The following SCLT1 variants were observed in gnomAD, a reference collection of about 807,000 sequenced individuals.
The protein encoded by SCLT1 is sodium channel and clathrin linker 1.
In SCLT1, 78 loss-of-function variants were observed where a neutral mutation model predicts 112.8. That is an observed-to-expected ratio of 0.69 (90% confidence interval 0.58 to 0.83). The LOEUF (loss-of-function observed/expected upper bound fraction) is 0.83, where lower values mean the gene tolerates loss of function less well. SCLT1 is among the 40% of genes least tolerant of loss of function. The pLI is 0.00. For missense variants in SCLT1, 747 were observed against 770.4 expected (o/e 0.97, Z 0.36); for synonymous variants, 257 against 254.7 (o/e 1.01, Z -0.09).
intron 13 of SCLT1, among the ~76,000 whole-genome samples, chr4:128,954,024 G>A (rs1739008320): frequency 6.6e-6 from 1 of 152,028 alleles, no homozygotes; most frequent in South Asian, 2.1e-4. Flanking sequence ...AGAGCATTTT[G>A]AAGAGTTAGT....
intron 12 of SCLT1, among the ~76,000 whole-genome samples, chr4:128,957,521 CA>C (rs1553969173): frequency 6.6e-6 from 1 of 152,028 alleles, no homozygotes; most frequent in Non-Finnish European, 1.5e-5. Flanking sequence ...TTATGTCACT[CA>C]TTAACTCATA....
intron 2 of SCLT1, among the ~76,000 whole-genome samples, chr4:129,074,477 G>A (rs760942803): frequency 3.3e-5 from 5 of 152,090 alleles, no homozygotes; most frequent in Non-Finnish European, 7.4e-5. Flanking sequence ...CCATTTGCTA[G>A]TGAAACTTTT....
At chr4:128,885,339 C>T (rs150001405) in intron 20 of SCLT1, among the ~76,000 whole-genome samples, 195 of 152,292 alleles carry the variant, frequency 1.3e-3, no homozygotes, top group African/African-American at 4.5e-3. Flanking sequence ...TCTCCAGATA[C>T]AACCACTATT....
chr4:129,090,306 A>G (rs972235979), intron 1 of SCLT1, among the ~76,000 whole-genome samples: 21 of 152,222 alleles, frequency 1.4e-4, no homozygotes, highest in Admixed American at 6.5e-5. Context: ...GTGGAAAAGA[A>G]TAGAGTTCAT....
chr4:128,894,948 G>C (rs1035489819), intron 18 of SCLT1, among the ~76,000 whole-genome samples: 7 of 152,124 alleles, frequency 4.6e-5, no homozygotes, highest in Non-Finnish European at 4.4e-5. Flanking sequence ...AAAGTGCTGG[G>C]ATTACAGGCA....
At chr4:128,963,541 T>C (rs1249218062) in intron 11 of SCLT1, among the ~76,000 whole-genome samples, 2 of 152,162 alleles carry the variant, frequency 1.3e-5, no homozygotes, top group South Asian at 2.1e-4. Flanking sequence ...TAACAATGTA[T>C]GGAAAATCAT....
rs113155537 is a variant in SCLT1 at position 128,955,773 on chromosome 4, T to G, written c.1146+1253A>C. Among the ~76,000 whole-genome samples, 35 of 152,362 alleles carry G rather than the reference T, an allele frequency of 2.3e-4. 1 individual carries two copies. The highest frequency in any genetic ancestry group is 7.9e-4 in the African/African-American group (33 of 41,584). ...TTTTCTCATACATATTTTCCATTTC[T>G]TTTTACAATGAGTATATATCACTTT... is the stretch of plus-strand genomic sequence containing the variant. On this transcript the variant is annotated intron_variant, in intron 13 of 20. Transcript: ENST00000281142.
intron 2 of SCLT1, among the ~76,000 whole-genome samples, chr4:129,075,684 C>A (rs1421793413): frequency 6.6e-6 from 1 of 152,066 alleles, no homozygotes; most frequent in Non-Finnish European, 1.5e-5. Flanking sequence ...CTGGACAGTG[C>A]AGAATTATAT....
intron 14 of SCLT1, among the ~76,000 whole-genome samples, chr4:128,950,989 A>G (rs1035777836): frequency 2.6e-5 from 4 of 152,118 alleles, no homozygotes; most frequent in African/African-American, 4.8e-5. Flanking sequence ...GCTTTTTCTT[A>G]ATCTATTAAA....
At chr4:128,913,176 G>GT (rs772238524) in intron 18 of SCLT1, among the ~76,000 whole-genome samples, 17 of 152,156 alleles carry the variant, frequency 1.1e-4, no homozygotes, top group East Asian at 9.6e-4. Context: ...GTGGAAAATT[G>GT]TTTTTTAAAA....
intron 2 of SCLT1, among the ~76,000 whole-genome samples, 153 bp downstream of exon 2, chr4:129,082,153 G>T (rs1751996218): frequency 6.6e-6 from 1 of 151,958 alleles, no homozygotes. Flanking sequence ...CTGGTTGGGG[G>T]GAAAAGGGCA....
intron 1 of SCLT1, among the ~76,000 whole-genome samples, chr4:129,087,020 G>A (rs1752451983): frequency 6.6e-6 from 1 of 152,102 alleles, no homozygotes; most frequent in Non-Finnish European, 1.5e-5. Context: ...AAACAAATGA[G>A]GTAAGCCCTA....
At chr4:128,930,013 T>TA (rs1432602124) in intron 18 of SCLT1, among the ~76,000 whole-genome samples, 1 of 152,172 alleles carries the variant, frequency 6.6e-6, no homozygotes, top group East Asian at 1.9e-4. Flanking sequence ...GATTTGGTCT[T>TA]ACGGTGGTTA....
chr4:128,926,987 AT>A (rs1412679836), intron 18 of SCLT1, among the ~76,000 whole-genome samples: 1 of 152,052 alleles, frequency 6.6e-6, no homozygotes, highest in East Asian at 1.9e-4. Context: ...AAGTAGAATG[AT>A]TAAAAAAAAC....
Position 128,900,908 on chromosome 4 carries a change from A to C in SCLT1, c.1830-9771T>G, listed in dbSNP as rs1192171301. 3.3e-5 allele frequency among the ~76,000 whole-genome samples: 5 copies of C among 152,226 alleles called. No individual in the cohort carries two copies. In the South Asian group the frequency reaches 1.0e-3, roughly 32 times the overall value. ...CAAAAGAAGACATTTATGCAGCCAA[A>C]AGACACATGAAAAAATGCTCATCAT... is the stretch of plus-strand genomic sequence containing the variant. On this transcript the variant is annotated intron_variant, in intron 18 of 20. Transcript: ENST00000281142.
chr4:128,938,035 A>G (rs1214194404), intron 17 of SCLT1, among the ~76,000 whole-genome samples: 2 of 152,180 alleles, frequency 1.3e-5, no homozygotes, highest in East Asian at 3.8e-4. Flanking sequence ...CAGCAAGGTG[A>G]TTTGACTTCC....
chr4:129,001,078 T>A (rs550305846), intron 6 of SCLT1, among the ~76,000 whole-genome samples: 83 of 152,174 alleles, frequency 5.5e-4, no homozygotes, highest in Non-Finnish European at 1.1e-3. Context: ...TAGTCCTGGA[T>A]AATTCACTTC....
intron 18 of SCLT1, among the ~76,000 whole-genome samples, chr4:128,895,284 T>A (rs994533181): frequency 9.9e-5 from 15 of 152,162 alleles, no homozygotes; most frequent in African/African-American, 3.6e-4. Flanking sequence ...AATTTGCTTC[T>A]TTGAGTGATA....
intron 9 of SCLT1, 40 bp downstream of exon 9, chr4:128,992,127 T>C (rs1304800275): frequency 3.0e-6 from 4 of 1,350,142 alleles, no homozygotes; most frequent in Non-Finnish European, 4.2e-6. Flanking sequence ...TGAAGAAAAA[T>C]AATTAACAAT....
Sources: allele counts gnomAD v4.1 joint callset (sites outside exome capture counted in the v4.1 genomes callset), GRCh38; gene constraint gnomAD v4.1.1; transcripts MANE v1.5; gene names NCBI Gene and HGNC (gene_info 2026-07-23, HGNC 2026-07-21).